Variants in PIP5K1B observed in about 807,000 individuals in gnomAD.
PIP5K1B encodes the protein phosphatidylinositol-4-phosphate 5-kinase type 1 beta.
PIP5K1B carries 42 observed loss-of-function variants against 67.0 expected under a neutral mutation model. The observed-to-expected ratio is 0.63, with a 90% CI of 0.49 to 0.81. The LOEUF (loss-of-function observed/expected upper bound fraction) is 0.81. Ranked by LOEUF, PIP5K1B falls within the 30% of genes least tolerant of loss-of-function variation. PIP5K1B has a pLI of 0.00. For missense variants in PIP5K1B, 459 were observed against 646.3 expected (o/e 0.71, Z 3.14); for synonymous variants, 214 against 231.4 (o/e 0.92, Z 0.68).
chr9:68,999,333 C>A (rs572259671), intron 15 of PIP5K1B, among the ~76,000 whole-genome samples: 1 of 152,346 alleles, frequency 6.6e-6, no homozygotes, highest in East Asian at 1.9e-4. Flanking sequence ...GCCCACCCCT[C>A]TACCTTACCG....
At chr9:68,788,882 A>C (rs1831792085) in intron 2 of PIP5K1B, 1 of 262,180 alleles carries the variant, frequency 3.8e-6, no homozygotes, top group Admixed American at 5.0e-5. Flanking sequence ...CACTGACAGG[A>C]TAAGAGAGCA....
At chr9:68,732,026 T>C (rs1828460603) in intron 1 of PIP5K1B, among the ~76,000 whole-genome samples, 1 of 152,190 alleles carries the variant, frequency 6.6e-6, no homozygotes. Context: ...TTCGAGGGAT[T>C]CCTGAGCCTC....
intron 2 of PIP5K1B, among the ~76,000 whole-genome samples, chr9:68,810,238 A>G (rs1833089410): frequency 6.6e-6 from 1 of 152,222 alleles, no homozygotes; most frequent in Non-Finnish European, 1.5e-5. Context: ...ATGACCAAAT[A>G]ATCAATGAGT....
At chr9:68,926,614 C>T (rs1587678183) in intron 12 of PIP5K1B, among the ~76,000 whole-genome samples, 1 of 151,976 alleles carries the variant, frequency 6.6e-6, no homozygotes, top group Non-Finnish European at 1.5e-5. Flanking sequence ...CTCTGTCGCC[C>T]AGGTTGGAGT....
At chr9:68,949,915 T>C (rs4237272) in intron 14 of PIP5K1B, among the ~76,000 whole-genome samples, 131,231 of 152,230 alleles carry the variant, frequency 0.86, 58,803 homozygotes, top group South Asian at 0.99. Flanking sequence ...CTACATCTGA[T>C]TGGCCAAGAC....
At chr9:68,876,905 G>A (rs4745358) in intron 6 of PIP5K1B, 111 bp downstream of exon 6, 609,556 of 613,688 alleles carry the variant, frequency 0.99, 302,834 homozygotes, top group East Asian at 1. Flanking sequence ...GCTCTGGGGC[G>A]TAGTAAAAGT....
At chr9:68,956,813 A>G (rs1828421803) in intron 14 of PIP5K1B, among the ~76,000 whole-genome samples, 1 of 152,132 alleles carries the variant, frequency 6.6e-6, no homozygotes, top group Non-Finnish European at 1.5e-5. Context: ...CCACAAAGAG[A>G]TGTGCAGAGA....
rs750989625 is a variant in PIP5K1B at position 68,895,926 on chromosome 9, A to G, written c.771+1288A>G. Reference sequence around the variant, plus strand: ...TTATCCAGCATTACTTACCAAGTCAATGACAGAGCCCACATCTGTTTGGGT... The same window carrying G: ...TTATCCAGCATTACTTACCAAGTCAGTGACAGAGCCCACATCTGTTTGGGT... On this transcript the variant is annotated intron_variant, in intron 8 of 15. Transcript: ENST00000265382. Among the ~76,000 whole-genome samples the G allele has an allele frequency of 5.9e-5, 9 of 152,176 alleles. 1 individual carries two copies. The highest frequency in any genetic ancestry group is 1.0e-4 in the Non-Finnish European group (7 of 68,020).
At chr9:68,780,954 A>G (rs77756939) in intron 2 of PIP5K1B, 3 of 1,613,830 alleles carry the variant, frequency 1.9e-6, no homozygotes, top group Non-Finnish European at 2.5e-6. Context: ...AGTCAGCACT[A>G]CCACCGACTC....
At chr9:68,712,746 A>C (rs1369365619) in intron 1 of PIP5K1B, among the ~76,000 whole-genome samples, 1 of 152,222 alleles carries the variant, frequency 6.6e-6, no homozygotes, top group Non-Finnish European at 1.5e-5. Flanking sequence ...AAATTCTGGC[A>C]TGATTATTAA....
At chr9:68,868,277 C>G (rs1360285754) in intron 5 of PIP5K1B, among the ~76,000 whole-genome samples, 1 of 152,142 alleles carries the variant, frequency 6.6e-6, no homozygotes, top group Admixed American at 6.6e-5. Flanking sequence ...GTTTATAAAG[C>G]TTGTACCATG....
chr9:68,809,740 G>T (rs1055738578), intron 2 of PIP5K1B, among the ~76,000 whole-genome samples: 8 of 152,114 alleles, frequency 5.3e-5, no homozygotes, highest in Non-Finnish European at 8.8e-5. Context: ...CCAGCAAACG[G>T]CTCTAAGTCC....
chr9:68,781,360 G>T, intron 2 of PIP5K1B: 2 of 220,874 alleles, frequency 9.1e-6, no homozygotes, highest in Non-Finnish European at 2.0e-5. Flanking sequence ...ATTAAGTTCT[G>T]ATGAAAATAT....
rs375782411 is a variant in PIP5K1B at position 68,978,849 on chromosome 9, C to G, written c.1503-12291C>G. On this transcript the variant is annotated intron_variant, in intron 14 of 15. Coordinates refer to ENST00000265382, the MANE Select transcript of PIP5K1B (RefSeq NM_003558.4). ...ATCCCACCAGCAAGTTCCCTTCTGC[C>G]CCTTCTTAGACGTGACCCGAAGGGC... Among the ~76,000 whole-genome samples, 7 of 152,148 alleles carry G rather than the reference C, an allele frequency of 4.6e-5. No homozygotes were observed. The East Asian group carries it at 9.6e-4, about 21-fold the overall frequency.
chr9:68,771,774 G>C (rs1218754177), intron 2 of PIP5K1B, among the ~76,000 whole-genome samples: 1 of 152,110 alleles, frequency 6.6e-6, no homozygotes, highest in Non-Finnish European at 1.5e-5. Context: ...CAAAAGGAGA[G>C]TGAAGAAAAA....
intron 8 of PIP5K1B, among the ~76,000 whole-genome samples, chr9:68,899,833 G>T (rs1825272798): frequency 6.6e-6 from 1 of 152,140 alleles, no homozygotes; most frequent in Non-Finnish European, 1.5e-5. Flanking sequence ...TGTCATGAGG[G>T]TTTGCTGTAC....
chr9:68,858,279 T>TTGC (rs1172354505), intron 4 of PIP5K1B, among the ~76,000 whole-genome samples: 1 of 152,104 alleles, frequency 6.6e-6, no homozygotes, highest in Non-Finnish European at 1.5e-5. Flanking sequence ...TGGCCCTCTC[T>TTGC]TGCTGTTGAC....
intron 14 of PIP5K1B, among the ~76,000 whole-genome samples, chr9:68,954,355 G>A (rs1328477784): frequency 3.9e-5 from 6 of 152,130 alleles, no homozygotes; most frequent in African/African-American, 1.4e-4. Context: ...TAGATGAGAT[G>A]TGTTTCATCT....
At chr9:68,978,382 G>C (rs369369810) in intron 14 of PIP5K1B, among the ~76,000 whole-genome samples, 14 of 152,134 alleles carry the variant, frequency 9.2e-5, no homozygotes, top group African/African-American at 3.4e-4. Flanking sequence ...GGCTTTTTGC[G>C]TCTGGCGTAT....
Sources: gnomAD v4.1 joint callset for allele counts (sites outside exome capture counted in the v4.1 genomes callset) on GRCh38, gnomAD v4.1.1 for gene constraint, MANE v1.5 for transcripts, NCBI Gene and HGNC (gene_info 2026-07-23, HGNC 2026-07-21) for gene names.